The following PLPPR1 variants were observed in gnomAD, a reference collection of about 807,000 sequenced individuals.
PLPPR1 encodes phospholipid phosphatase related 1.
In PLPPR1, 10 loss-of-function variants were observed where a neutral mutation model predicts 33.1. The ratio of observed to expected loss-of-function variants is 0.30; its 90% confidence interval spans 0.19 to 0.51. PLPPR1 has a LOEUF of 0.51. Among genes scored for constraint, PLPPR1 ranks in the 20% least tolerant of loss-of-function variants. The pLI is 0.97. For synonymous variants in PLPPR1, 151 were observed against 151.0 expected, an observed-to-expected ratio of 1.00 and a Z score of 0.00; for missense variants, 304 against 408.1, an observed-to-expected ratio of 0.74 and a Z score of 2.20.
intron 2 of PLPPR1, among the ~76,000 whole-genome samples, chr9:101,212,036 A>AT (rs113679097): frequency 0.023 from 3,418 of 150,290 alleles, 123 homozygotes; most frequent in African/African-American, 0.077. Context: ...TTGCTGTGAG[A>AT]TTTTTTTTTT....
intron 2 of PLPPR1, among the ~76,000 whole-genome samples, chr9:101,242,633 C>T (rs1351649750): frequency 6.6e-6 from 1 of 152,020 alleles, no homozygotes; most frequent in Admixed American, 6.6e-5. Context: ...ATAGACTGAT[C>T]ACCCTACAGA....
chr9:101,143,671 A>G (rs1479326422), intron 1 of PLPPR1, among the ~76,000 whole-genome samples: 13 of 152,334 alleles, frequency 8.5e-5, no homozygotes, highest in African/African-American at 1.2e-4. Context: ...CAACAGACAC[A>G]TGAAAAAATG....
chr9:101,205,199 A>C (rs118147764), intron 2 of PLPPR1, among the ~76,000 whole-genome samples: 3 of 152,158 alleles, frequency 2.0e-5, no homozygotes, highest in Non-Finnish European at 2.9e-5. Context: ...TTCAGTATGC[A>C]TGAGAATCAC....
chr9:101,187,232 C>T (rs1826220005), intron 2 of PLPPR1: 1 of 151,808 alleles, frequency 6.6e-6, no homozygotes, highest in South Asian at 2.1e-4. Flanking sequence ...TTTATCCTCC[C>T]TGCAGCAATT....
chr9:101,152,168 A>G (rs1010969491), intron 1 of PLPPR1, among the ~76,000 whole-genome samples: 2 of 152,056 alleles, frequency 1.3e-5, no homozygotes, highest in East Asian at 1.9e-4. Flanking sequence ...GCATTTTTTC[A>G]TGTGTCTGTT....
intron 1 of PLPPR1, among the ~76,000 whole-genome samples, chr9:101,062,305 C>G (rs1456195033): frequency 6.6e-6 from 1 of 151,934 alleles, no homozygotes; most frequent in Non-Finnish European, 1.5e-5. Flanking sequence ...CAGATATTCT[C>G]AGAAAGAAGG....
chr9:101,045,335 G>A (rs530460825), intron 1 of PLPPR1, among the ~76,000 whole-genome samples: 1 of 152,228 alleles, frequency 6.6e-6, no homozygotes, highest in East Asian at 1.9e-4. Flanking sequence ...GCACATTCCT[G>A]TTCTTTTATT....
chr9:101,222,781 A>G (rs1826972298), intron 2 of PLPPR1, among the ~76,000 whole-genome samples: 1 of 152,192 alleles, frequency 6.6e-6, no homozygotes, highest in African/African-American at 2.4e-5. Context: ...CGGTCACGAC[A>G]TTCTAAAAAT....
chr9:101,101,688 C>A (rs560007324), intron 1 of PLPPR1, among the ~76,000 whole-genome samples: 65 of 152,192 alleles, frequency 4.3e-4, no homozygotes, highest in African/African-American at 1.3e-3. Context: ...ATCAATGGAC[C>A]ATATGGTTCA....
chr9:101,030,905 G>A (rs895610852), intron 1 of PLPPR1, among the ~76,000 whole-genome samples: 1 of 147,444 alleles, frequency 6.8e-6, no homozygotes, highest in Non-Finnish European at 1.5e-5. Flanking sequence ...TCACTCATAA[G>A]TAAGCATAGC....
intron 1 of PLPPR1, among the ~76,000 whole-genome samples, chr9:101,179,125 A>G (rs916852909): frequency 5.3e-5 from 8 of 152,170 alleles, no homozygotes; most frequent in Non-Finnish European, 7.4e-5. Context: ...CAACTTAGGT[A>G]AGGAAGAGTA....
Position 101,194,753 on chromosome 9 carries a change from C to CAA in PLPPR1, c.63+9211_63+9212dup, listed in dbSNP as rs11439112. On this transcript the variant is annotated intron_variant, in intron 2 of 7. Coordinates refer to ENST00000374874, the MANE Select transcript of PLPPR1 (RefSeq NM_207299.2). Reference sequence around the variant, plus strand: ...GGGCAACAAGAGTGAAACTCCATCTCAAAAAAAAAAAAAAAAGTTAAAACG... The same window carrying CAA: ...GGGCAACAAGAGTGAAACTCCATCTCAAAAAAAAAAAAAAAAAAGTTAAAACG... Among the ~76,000 whole-genome samples, 780 of 116,882 alleles carry CAA rather than the reference C, an allele frequency of 6.7e-3. 10 individuals carry two copies. The highest frequency in any genetic ancestry group is 0.01 in the Admixed American group (117 of 11,146). The allele number at this position is 116,882 out of a possible 152,430, so 76.7% of individuals were successfully genotyped here.
chr9:101,055,185 G>C (rs1285936203), intron 1 of PLPPR1, among the ~76,000 whole-genome samples: 1 of 152,148 alleles, frequency 6.6e-6, no homozygotes, highest in Non-Finnish European at 1.5e-5. Flanking sequence ...TTTGCATCCT[G>C]TACAGGAGGA....
intron 1 of PLPPR1, among the ~76,000 whole-genome samples, chr9:101,124,582 G>C (rs573843985): frequency 6.6e-6 from 1 of 152,180 alleles, no homozygotes; most frequent in African/African-American, 2.4e-5. Flanking sequence ...ATTTTTGGCT[G>C]TAGCCAGGAG....
At chr9:101,183,909 T>G (rs1037885876) in intron 1 of PLPPR1, among the ~76,000 whole-genome samples, 1 of 151,772 alleles carries the variant, frequency 6.6e-6, no homozygotes, top group Non-Finnish European at 1.5e-5. Context: ...TGCCTCTGCC[T>G]TCTTGAACAT....
rs1039056697 is a variant in PLPPR1 at position 101,109,129 on chromosome 9, T to A, written c.-45-76321T>A. Among the ~76,000 whole-genome samples, 27 of 130,700 alleles carry A rather than the reference T, an allele frequency of 2.1e-4. No homozygotes were observed. In the East Asian group the frequency reaches 5.6e-3, roughly 27 times the overall value. The allele number at this position is 130,700 out of a possible 152,430, so 85.7% of individuals were successfully genotyped here. On this transcript the variant is annotated intron_variant, in intron 1 of 7. Coordinates refer to ENST00000374874, the MANE Select transcript of PLPPR1 (RefSeq NM_207299.2). ...GCCCGCCACCACGCCTGGCTAATTT[T>A]TTGTATTTTTTTTTTTTTTTTTTTT...
chr9:101,055,325 C>G (rs1830267689), intron 1 of PLPPR1, among the ~76,000 whole-genome samples: 1 of 152,188 alleles, frequency 6.6e-6, no homozygotes. Context: ...AAGACAATCT[C>G]TAAAACCAAA....
At chr9:101,269,742 T>TG in intron 2 of PLPPR1, 138 bp from the exon 3 acceptor site, 8 of 770,676 alleles carry the variant, frequency 1.0e-5, no homozygotes, top group Non-Finnish European at 1.8e-5. Flanking sequence ...CAGAGCACGC[T>TG]GCGCCTGGCA....
chr9:101,105,782 C>T (rs1263501012), intron 1 of PLPPR1, among the ~76,000 whole-genome samples: 3 of 72,382 alleles, frequency 4.1e-5, no homozygotes, highest in East Asian at 8.2e-4. Flanking sequence ...GTGTGGGAGT[C>T]TAAGTCTCTT....
Sources: gnomAD v4.1 joint callset for allele counts (sites outside exome capture counted in the v4.1 genomes callset) on GRCh38, gnomAD v4.1.1 for gene constraint, MANE v1.5 for transcripts, NCBI Gene and HGNC (gene_info 2026-07-23, HGNC 2026-07-21) for gene names.